The following RTKN2 variants were observed in gnomAD, a reference collection of about 807,000 sequenced individuals.
RTKN2 encodes rhotekin 2, also known as rhotekin-2.
A neutral mutation model predicts 71.5 loss-of-function variants in RTKN2; 69 were observed. The ratio of observed to expected loss-of-function variants is 0.96; its 90% CI spans 0.79 to 1.18. RTKN2 has a LOEUF of 1.18. Among genes scored for constraint, RTKN2 ranks in the 50% most tolerant of loss-of-function variants. RTKN2 has a pLI of 0.00. For synonymous variants in RTKN2, 236 were observed against 236.5 expected (o/e 1.00, Z 0.02); for missense variants, 724 against 719.7 (o/e 1.01, Z -0.07).
In RTKN2 at chr10:62,218,367, C is replaced by A. The variant is rs1024286044; in HGVS notation, c.782-66G>T. Reference sequence around the variant, plus strand: ...TATAAGTTTATTTAAGGTCATCATACATTTTGATTTTTCTCTTTTTACAAT... The same window carrying A: ...TATAAGTTTATTTAAGGTCATCATAAATTTTGATTTTTCTCTTTTTACAAT... On this transcript the variant is annotated intron_variant, in intron 7 of 11. Transcript: ENST00000373789. The A allele has an allele frequency of 1.9e-5, 20 of 1,064,196 alleles. No homozygotes were observed. In the African/African-American group the frequency reaches 2.7e-4, roughly 15 times the overall value. The allele number at this position is 1,064,196 out of a possible 1,614,324, so 65.9% of individuals were successfully genotyped here. A position where few individuals can be genotyped will look rare whatever the true frequency, so the allele number is the denominator to read the frequency against.
At chr10:62,225,241 T>G (rs2132930087) in intron 6 of RTKN2, among the ~76,000 whole-genome samples, 1 of 152,378 alleles carries the variant, frequency 6.6e-6, no homozygotes, top group Non-Finnish European at 1.5e-5. Flanking sequence ...ACAGGGCCTT[T>G]CAGTCTTTCA....
At chr10:62,208,701 C>A (rs10995088) in intron 9 of RTKN2, among the ~76,000 whole-genome samples, 28,514 of 151,752 alleles carry the variant, frequency 0.19, 3,006 homozygotes, top group African/African-American at 0.28. Context: ...ACAAAAAAAA[C>A]CCCAAGCACT....
Position 62,259,278 on chromosome 10 carries a change from A to ACAAAT in RTKN2, c.257+3346_257+3347insATTTG, listed in dbSNP as rs1564530279. The ACAAAT allele has an allele frequency of 1.1e-5, 5 of 435,582 alleles. No homozygotes were observed. In the Admixed American group the frequency reaches 1.2e-4, roughly 11 times the overall value. 27.0% of individuals were successfully genotyped at this position (435,582 alleles called of 1,614,324 possible). On this transcript the variant is annotated intron_variant, in intron 2 of 11. Transcript: ENST00000373789. ...GAGTGCATTAAACCTCTTTTTCTTA[A>ACAAAT]TACTCAGTCTCGGGTATATCTGTAT...
chr10:62,197,880 T>C lies in RTKN2; in HGVS notation c.*28A>G. On this transcript the variant is annotated 3_prime_UTR_variant, in exon 12 of 12. Transcript: ENST00000373789. Reference sequence around the variant, plus strand: ...AATTAAGCTTCACAGTTATAGATTTTGTTAAATGTTTTATCATTAAGAGTT... The same window carrying C: ...AATTAAGCTTCACAGTTATAGATTTCGTTAAATGTTTTATCATTAAGAGTT... 1 of 1,571,722 alleles carries C rather than the reference T, an allele frequency of 6.4e-7. No individual in the cohort carries two copies. Among genetic ancestry groups the C allele is most frequent in the East Asian group, 2.2e-5 (1 of 44,572 alleles).
downstream of RTKN2, among the ~76,000 whole-genome samples, chr10:62,192,117 T>C (rs925128582): frequency 6.6e-6 from 1 of 151,464 alleles, no homozygotes; most frequent in Non-Finnish European, 1.5e-5. Context: ...CCAAATCATA[T>C]AGCTAAGTCA....
At chr10:62,260,619 T>C (rs1476393569) in intron 2 of RTKN2, among the ~76,000 whole-genome samples, 1 of 152,160 alleles carries the variant, frequency 6.6e-6, no homozygotes, top group African/African-American at 2.4e-5. Flanking sequence ...ATCATACACA[T>C]TTCCAGTTAG....
chr10:62,197,377 G>T lies in RTKN2; in HGVS notation c.*531C>A. 1.0e-6 allele frequency: 1 copy of T among 985,402 alleles called. No homozygotes were observed. The highest frequency in any genetic ancestry group is 1.2e-6 in the Non-Finnish European group (1 of 829,596). 61.0% of individuals were successfully genotyped at this position (985,402 alleles called of 1,614,324 possible). The stretch of plus-strand genomic sequence containing the variant: ...TTATCCCAGGAATTTAAAAGGTCAG[G>T]CCTATAAACTAGTGAGTTAAACAAT... On this transcript the variant is annotated 3_prime_UTR_variant, in exon 12 of 12. Coordinates refer to ENST00000373789, the MANE Select transcript of RTKN2 (RefSeq NM_145307.4).
intron 2 of RTKN2, 97 bp from the exon 3 acceptor site, chr10:62,246,154 A>G (rs1842475579): frequency 1.4e-6 from 1 of 693,900 alleles, no homozygotes; most frequent in East Asian, 2.6e-5. Context: ...AAGCAAATGC[A>G]TATCCGTGAA....
chr10:62,218,257 G>A lies in RTKN2; in HGVS notation c.826C>T (p.Arg276Ter), dbSNP rs374462061. The change falls in exon 8 of 12, where the codon CGA becomes TGA. Residue 276 changes from arginine to a stop codon, truncating the protein, a stop_gained. Coordinates refer to ENST00000373789, the MANE Select transcript of RTKN2 (RefSeq NM_145307.4). LOFTEE classifies it high-confidence loss of function. ...WLPLYGNMCCRLVAQPACMAE... is the reference protein window; with the variant it reads ...WLPLYGNMCC ...ATACAAGCTGGCTGGGCAACTAGTC[G>A]GCAGCACATGTTGCCATACAGGGGA... The A allele has an allele frequency of 1.5e-5, 24 of 1,613,064 alleles. No individual in the cohort carries two copies. The highest frequency in any genetic ancestry group is 1.9e-5 in the Non-Finnish European group (23 of 1,179,538).
chr10:62,241,355 T>C (rs1368157), intron 3 of RTKN2, among the ~76,000 whole-genome samples, 160 bp from the exon 4 acceptor site: 82,372 of 152,028 alleles, frequency 0.54, 23,398 homozygotes, highest in East Asian at 0.89. Context: ...TTATAGTTTG[T>C]ACTTTTAAAA....
intron 1 of RTKN2, among the ~76,000 whole-genome samples, chr10:62,264,118 A>C (rs1842826880): frequency 6.6e-6 from 1 of 152,186 alleles, no homozygotes; most frequent in South Asian, 2.1e-4. Flanking sequence ...TCAAAATGTA[A>C]ATTTAAAAAT....
chr10:62,202,740 T>C (rs185882894), intron 10 of RTKN2, among the ~76,000 whole-genome samples: 14 of 152,380 alleles, frequency 9.2e-5, no homozygotes, highest in Admixed American at 9.1e-4. Context: ...TTCAGCATGA[T>C]AAATTATTTC....
intron 6 of RTKN2, among the ~76,000 whole-genome samples, chr10:62,223,820 T>C (rs1299547279): frequency 6.6e-6 from 1 of 152,210 alleles, no homozygotes; most frequent in Admixed American, 6.5e-5. Flanking sequence ...TACTCTGATA[T>C]ATACCCAAAA....
intron 2 of RTKN2, among the ~76,000 whole-genome samples, chr10:62,262,354 C>G (rs1474493391): frequency 6.6e-6 from 1 of 152,120 alleles, no homozygotes; most frequent in Non-Finnish European, 1.5e-5. Flanking sequence ...AATATTGGTA[C>G]TTTCTTCTTA....
chr10:62,217,329 G>A, intron 8 of RTKN2, 80 bp from the exon 9 acceptor site: 2 of 974,260 alleles, frequency 2.1e-6, no homozygotes, highest in East Asian at 2.8e-5. Flanking sequence ...TACTTATCAA[G>A]GTTAAATTAG....
At chr10:62,240,264 A>C (rs1354889385) in intron 4 of RTKN2, among the ~76,000 whole-genome samples, 1 of 151,292 alleles carries the variant, frequency 6.6e-6, no homozygotes, top group Non-Finnish European at 1.5e-5. Context: ...GAAAAAAAAA[A>C]ACAAAACAAT....
chr10:62,252,795 G>C (rs3852405), intron 2 of RTKN2, among the ~76,000 whole-genome samples: 1 of 151,860 alleles, frequency 6.6e-6, no homozygotes, highest in Non-Finnish European at 1.5e-5. Context: ...TAGTTGGCTC[G>C]TGGAGCTAAG....
At chr10:62,259,909 T>G (rs532171935) in intron 2 of RTKN2, among the ~76,000 whole-genome samples, 1 of 152,294 alleles carries the variant, frequency 6.6e-6, no homozygotes, top group South Asian at 2.1e-4. Flanking sequence ...CTGGACTCTA[T>G]CCATCCTTCA....
chr10:62,184,492 C>T (rs1470147187), intron 8 of RTKN2: 6 of 587,238 alleles, frequency 1.0e-5, no homozygotes, highest in South Asian at 7.5e-5. Flanking sequence ...GAAAAGATTG[C>T]AAGTTTCAGG....
Sources: gnomAD v4.1 joint callset for allele counts (sites outside exome capture counted in the v4.1 genomes callset) on GRCh38, gnomAD v4.1.1 for gene constraint, MANE v1.5 for transcripts, NCBI Gene and HGNC (gene_info 2026-07-23, HGNC 2026-07-21) for gene names.